NEBL: variants seen among roughly 807,000 people sequenced by gnomAD.
NEBL encodes LIM and SH3 protein 2.
A neutral mutation model predicts 140.2 loss-of-function variants in NEBL; 122 were observed. That is an observed-to-expected ratio of 0.87 (90% CI 0.75 to 1.01). The LOEUF is 1.01. Ranked by LOEUF, NEBL falls within the 50% of genes least tolerant of loss-of-function variation. NEBL has a pLI of 0.00. For missense variants in NEBL, 1,365 were observed against 1,231.3 expected, an observed-to-expected ratio of 1.11 and a Z score of -1.62; for synonymous variants, 436 against 398.9, an observed-to-expected ratio of 1.09 and a Z score of -1.11.
At chr10:21,239,675 T>G (rs1842410877) in intron 3 of NEBL, among the ~76,000 whole-genome samples, 1 of 152,172 alleles carries the variant, frequency 6.6e-6, no homozygotes, top group Non-Finnish European at 1.5e-5. Context: ...AGTGCAAATG[T>G]GATCTTAGCC....
At chr10:20,889,975 G>C (rs189605629) in intron 2 of NEBL, 26 bp from the exon 3 acceptor site, 2 of 1,456,040 alleles carry the variant, frequency 1.4e-6, no homozygotes, top group Non-Finnish European at 1.9e-6. Flanking sequence ...ATTTACATAA[G>C]AAGAGAAAAA....
chr10:20,898,711 C>T (rs1847693642), upstream of NEBL, among the ~76,000 whole-genome samples: 1 of 152,182 alleles, frequency 6.6e-6, no homozygotes, highest in Admixed American at 6.5e-5. Flanking sequence ...CCTGCTTAGG[C>T]TTGCTTAACC....
intron 3 of NEBL, among the ~76,000 whole-genome samples, chr10:20,969,549 T>C (rs574236799): frequency 2.5e-3 from 366 of 145,802 alleles, no homozygotes; most frequent in Non-Finnish European, 3.8e-3. Context: ...CTTTTCTTTT[T>C]TTTTTTTTTT....
chr10:21,183,385 C>T (rs1034326164), intron 3 of NEBL, among the ~76,000 whole-genome samples: 3 of 152,018 alleles, frequency 2.0e-5, no homozygotes, highest in Admixed American at 1.3e-4. Flanking sequence ...GACAAGAGGG[C>T]GTCTGGACAC....
At chr10:21,126,289 A>T (rs982553338) in intron 2 of NEBL, 5 of 652,144 alleles carry the variant, frequency 7.7e-6, no homozygotes, top group Non-Finnish European at 1.3e-5. Context: ...TACAGCCTTA[A>T]GTATAGAAAT....
intron 2 of NEBL, among the ~76,000 whole-genome samples, chr10:21,166,417 G>A (rs143601092): frequency 1.3e-5 from 2 of 151,744 alleles, no homozygotes; most frequent in South Asian, 2.1e-4. Context: ...CTCTCTAATG[G>A]GTAGCAGCCC....
At chr10:21,282,042 T>C (rs1842999446) in intron 1 of NEBL, among the ~76,000 whole-genome samples, 1 of 152,196 alleles carries the variant, frequency 6.6e-6, no homozygotes, top group South Asian at 2.1e-4. Context: ...ACCAATTTCT[T>C]CCCATTCCTA....
intron 13 of NEBL, among the ~76,000 whole-genome samples, chr10:20,836,531 A>G (rs1564368663): frequency 1.3e-5 from 2 of 152,176 alleles, no homozygotes; most frequent in South Asian, 4.2e-4. Flanking sequence ...CCAATCAGTG[A>G]TCTTTGATGT....
chr10:21,227,710 CT>C (rs374300559), intron 3 of NEBL, among the ~76,000 whole-genome samples: 4,994 of 39,094 alleles, frequency 0.13, 87 homozygotes, highest in African/African-American at 0.17. Flanking sequence ...TCTTCTTCTT[CT>C]TTCTTCTTCT....
At chr10:20,978,994 T>G (rs1458831458) in intron 3 of NEBL, among the ~76,000 whole-genome samples, 2 of 151,976 alleles carry the variant, frequency 1.3e-5, no homozygotes, top group Non-Finnish European at 2.9e-5. Context: ...TAAAATTAAG[T>G]AAGTAAATAA....
In NEBL at chr10:21,173,655, C is replaced by A. The variant is rs1841184429; in HGVS notation, c.69+110G>T. 6.4e-7 allele frequency: 1 copy of A among 1,562,636 alleles called. No individual in the cohort carries two copies. Among genetic ancestry groups the A allele is most frequent in the Non-Finnish European group, 8.7e-7 (1 of 1,148,844 alleles). On this transcript the variant is annotated intron_variant, in intron 1 of 6. Transcript: ENST00000417816. The surrounding 1 kb of genome is among the most constrained non-coding windows in gnomAD (Gnocchi z 5.7). ...CCCTCCCCCCGTGCCAAGGCACACG[C>A]ACACGCACCGACCCACTCATTGCTT... is the stretch of plus-strand genomic sequence containing the variant.
At chr10:21,266,515 G>C (rs1302191245) in intron 1 of NEBL, among the ~76,000 whole-genome samples, 1 of 152,208 alleles carries the variant, frequency 6.6e-6, no homozygotes, top group African/African-American at 2.4e-5. Context: ...AATGGAAGAT[G>C]CTGCTCAAGG....
In NEBL at chr10:20,939,534, C is replaced by T. The variant is rs538144527; in HGVS notation, c.357+22138G>A. On this transcript the variant is annotated intron_variant, in intron 4 of 6. Coordinates refer to the NEBL transcript ENST00000417816. ...GGAAGAAACTGCATCAACTAATGAG[C>T]AAAATAACCAACTAACATCATAATG... Among the ~76,000 whole-genome samples, 7 of 152,268 alleles carry T rather than the reference C, an allele frequency of 4.6e-5. No individual in the cohort carries two copies. In the South Asian group the frequency reaches 1.5e-3, roughly 32 times the overall value.
Position 20,780,142 on chromosome 10 carries a change from A to T in NEBL, c.*5605T>A, listed in dbSNP as rs947770094. 1.3e-5 allele frequency: 2 copies of T among 152,196 alleles called. No individual in the cohort carries two copies. Among genetic ancestry groups the T allele is most frequent in the Admixed American group, 6.5e-5 (1 of 15,274 alleles). 9.4% of individuals were successfully genotyped at this position (152,196 alleles called of 1,614,324 possible). A position where few individuals can be genotyped will look rare whatever the true frequency, so the allele number is the denominator to read the frequency against. On this transcript the variant is annotated 3_prime_UTR_variant, in exon 28 of 28. Coordinates refer to ENST00000377122, the MANE Select transcript of NEBL (RefSeq NM_006393.3). ...TGAAAAATAGGGACTCACTTTTTCA[A>T]TTATGGGAAGCGTAGTGGGGGGAGA... is the stretch of plus-strand genomic sequence containing the variant.
intron 2 of NEBL, among the ~76,000 whole-genome samples, chr10:21,084,978 G>GA (rs1161892160): frequency 6.6e-6 from 1 of 152,156 alleles, no homozygotes; most frequent in Non-Finnish European, 1.5e-5. Context: ...GGTTAGTGCG[G>GA]AAAAATGTGA....
At position 20,850,495 on chromosome 10, in the gene NEBL, T is replaced by C. The variant is rs747710902; in HGVS notation, c.1016A>G (p.Tyr339Cys). 1 of 1,586,898 alleles carries C rather than the reference T, an allele frequency of 6.3e-7. No individual in the cohort carries two copies. Among genetic ancestry groups the C allele is most frequent in the African/African-American group, 1.3e-5 (1 of 74,496 alleles). ...GNAVLQSQVK[Y>C]KEEYEKNKGK... ...CTTATTTTTCTCATATTCTTCTTTATATTTCACCTTCATTGGAAAAAGAAA... is the reference window on the plus strand; with the variant it reads ...CTTATTTTTCTCATATTCTTCTTTACATTTCACCTTCATTGGAAAAAGAAA... The change falls in exon 11 of 28, where the codon TAT becomes TGT. Residue 339 changes from tyrosine (Y) to cysteine (C), a missense_variant. Tyr to Cys is a radical substitution (Grantham distance 194, BLOSUM62 -2). Transcript: ENST00000377122.
intron 1 of NEBL, among the ~76,000 whole-genome samples, chr10:21,271,471 A>G (rs1451033183): frequency 2.6e-5 from 4 of 152,084 alleles, no homozygotes; most frequent in Admixed American, 6.6e-5. Context: ...CGTGGTAGCT[A>G]TAGTCGATAA....
chr10:20,953,308 C>T (rs1835595181), intron 4 of NEBL, among the ~76,000 whole-genome samples: 1 of 152,170 alleles, frequency 6.6e-6, no homozygotes. Context: ...TCCACATGCA[C>T]ACACCAACGA....
chr10:21,021,207 A>G (rs1217530833), intron 2 of NEBL, among the ~76,000 whole-genome samples: 1 of 152,210 alleles, frequency 6.6e-6, no homozygotes, highest in Non-Finnish European at 1.5e-5. Flanking sequence ...ATAAATGTAT[A>G]TATGTGTATA....
Sources: allele counts gnomAD v4.1 joint callset (sites outside exome capture counted in the v4.1 genomes callset), GRCh38; gene constraint gnomAD v4.1.1; non-coding constraint Gnocchi (gnomAD v3.1); transcripts MANE v1.5; gene names NCBI Gene and HGNC (gene_info 2026-07-23, HGNC 2026-07-21).